The following NETO2 variants were observed in gnomAD, a reference collection of about 807,000 sequenced individuals.
NETO2 encodes the protein neuropilin and tolloid-like protein 2.
Under a neutral mutation model 62.5 loss-of-function variants are expected in NETO2, and 28 were observed. The observed-to-expected ratio is 0.45, with a 90% confidence interval of 0.33 to 0.61. NETO2 has a LOEUF of 0.61. Among genes scored for constraint, NETO2 ranks in the 20% least tolerant of loss-of-function variants. The probability of loss-of-function intolerance (pLI) is 0.02; values close to 1 mark genes in which losing one functional copy is unlikely to be tolerated. For missense variants in NETO2, 548 were observed against 643.2 expected (o/e 0.85, Z 1.60); for synonymous variants, 214 against 219.1 (o/e 0.98, Z 0.21).
chr16:47,122,511 A>T lies in NETO2; in HGVS notation c.654+146T>A, dbSNP rs528967563. ...GCTGGGATCTTAGTAGATGCCAATA[A>T]AGTAAGTGAAATAAAATACATTTTA... On this transcript the variant is annotated intron_variant, in intron 6 of 8. Coordinates refer to ENST00000562435, the MANE Select transcript of NETO2 (RefSeq NM_018092.5). 5.8e-6 allele frequency: 5 copies of T among 858,838 alleles called. No individual in the cohort carries two copies. In the South Asian group the frequency reaches 1.1e-4, roughly 19 times the overall value. The allele number at this position is 858,838 out of a possible 1,614,324, so 53.2% of individuals were successfully genotyped here.
intron 1 of NETO2, among the ~76,000 whole-genome samples, chr16:47,138,053 A>G (rs1401926575): frequency 6.6e-6 from 1 of 152,200 alleles, no homozygotes; most frequent in Non-Finnish European, 1.5e-5. Flanking sequence ...CCATGTCTGC[A>G]TTCTAGTTAT....
rs544969035 is a variant in NETO2 at position 47,140,987 on chromosome 16, C to A, written c.34+2592G>T. 3.3e-5 allele frequency among the ~76,000 whole-genome samples: 5 copies of A among 152,198 alleles called. No individual in the cohort carries two copies. In the East Asian group the frequency reaches 9.6e-4, roughly 29 times the overall value. On this transcript the variant is annotated intron_variant, in intron 1 of 8. Coordinates refer to ENST00000562435, the MANE Select transcript of NETO2 (RefSeq NM_018092.5). ...TCATGAGACTATAATGCTTAGTTAA[C>A]CTTGACAGAAGATTAACTCGAATTC...
chr16:47,138,737 T>G, intron 1 of NETO2, among the ~76,000 whole-genome samples: 1 of 152,212 alleles, frequency 6.6e-6, no homozygotes, highest in Non-Finnish European at 1.5e-5. Context: ...CATCACAGCC[T>G]TGCTTAAAAT....
Position 47,086,356 on chromosome 16 carries a change from C to CA in NETO2, c.884-18dup. The CA allele has an allele frequency of 6.4e-7, 1 of 1,566,234 alleles. No individual in the cohort carries two copies. Among genetic ancestry groups the CA allele is most frequent in the Non-Finnish European group, 8.8e-7 (1 of 1,136,868 alleles). Reference sequence around the variant, plus strand: ...TGCAGGGAGCTGCAGGAAGAGAAAACAGTGTTGCAAAGAGCAGGCAGACCA... The same window carrying CA: ...TGCAGGGAGCTGCAGGAAGAGAAAACAAGTGTTGCAAAGAGCAGGCAGACCA... On this transcript the variant is annotated splice_polypyrimidine_tract_variant and intron_variant, in intron 7 of 8. Coordinates refer to ENST00000562435, the MANE Select transcript of NETO2 (RefSeq NM_018092.5).
chr16:47,084,547 T>A (rs2143795660), intron 8 of NETO2, among the ~76,000 whole-genome samples: 1 of 152,356 alleles, frequency 6.6e-6, no homozygotes. Flanking sequence ...CTATTATGGA[T>A]AACAATAATG....
chr16:47,130,720 C>A (rs1964248476), intron 2 of NETO2, among the ~76,000 whole-genome samples: 1 of 152,074 alleles, frequency 6.6e-6, no homozygotes, highest in African/African-American at 2.4e-5. Context: ...TGACCCTGGG[C>A]CAAACATGAC....
At chr16:47,138,155 A>G (rs886195729) in intron 1 of NETO2, among the ~76,000 whole-genome samples, 11 of 152,178 alleles carry the variant, frequency 7.2e-5, no homozygotes, top group African/African-American at 2.7e-4. Context: ...TAATCCCAGC[A>G]CTTTGCGAGG....
At chr16:47,094,263 A>ATTT (rs35543379) in intron 7 of NETO2, among the ~76,000 whole-genome samples, 2,591 of 137,724 alleles carry the variant, frequency 0.019, 97 homozygotes, top group African/African-American at 0.065. Flanking sequence ...TATCACTTGG[A>ATTT]TTTTTTTTTT....
chr16:47,088,093 A>T (rs1963235816), intron 7 of NETO2, among the ~76,000 whole-genome samples: 1 of 151,874 alleles, frequency 6.6e-6, no homozygotes, highest in African/African-American at 2.4e-5. Context: ...AAGCCCAAAA[A>T]CCTTAGCAAT....
chr16:47,126,980 T>G (rs933450829), intron 4 of NETO2, among the ~76,000 whole-genome samples: 1 of 152,216 alleles, frequency 6.6e-6, no homozygotes, highest in African/African-American at 2.4e-5. Context: ...AAGTTATATG[T>G]GTACCATAAT....
At chr16:47,117,145 G>C (rs893966418) in intron 6 of NETO2, among the ~76,000 whole-genome samples, 1 of 152,044 alleles carries the variant, frequency 6.6e-6, no homozygotes, top group African/African-American at 2.4e-5. Flanking sequence ...AAGAAGTCTT[G>C]CATCACAGTT....
chr16:47,109,543 A>C lies in NETO2; in HGVS notation c.823T>G (p.Trp275Gly). Residue 275 changes from tryptophan to glycine, a missense_variant, in exon 7 of 9, where the codon TGG becomes GGG. Physicochemically the swap from Trp to Gly is radical, Grantham distance 184 (BLOSUM62 -2). Transcript: ENST00000562435. ...LKTGIGVIRM[W>G]ADEGSRLSRF... Reference sequence around the variant, plus strand: ...CTAAGCCGACTACCTTCATCTGCCCACATTCGAATCACTCCAATTCCTGTT... The same window carrying C: ...CTAAGCCGACTACCTTCATCTGCCCCCATTCGAATCACTCCAATTCCTGTT... 6.2e-7 allele frequency: 1 copy of C among 1,614,146 alleles called. No individual in the cohort carries two copies. Among genetic ancestry groups the C allele is most frequent in the Non-Finnish European group, 8.5e-7 (1 of 1,180,008 alleles).
chr16:47,085,573 G>A (rs1317324396), intron 8 of NETO2, among the ~76,000 whole-genome samples: 2 of 151,730 alleles, frequency 1.3e-5, no homozygotes, highest in Non-Finnish European at 2.9e-5. Flanking sequence ...TAGTAGAAAT[G>A]GGGTTTCACC....
intron 4 of NETO2, among the ~76,000 whole-genome samples, chr16:47,127,735 G>C (rs1281816948): frequency 2.0e-5 from 3 of 152,202 alleles, no homozygotes; most frequent in Admixed American, 6.5e-5. Context: ...GAGGTAATTA[G>C]TTATGGCAGC....
At chr16:47,114,726 A>G (rs371944853) in intron 6 of NETO2, among the ~76,000 whole-genome samples, 1 of 152,004 alleles carries the variant, frequency 6.6e-6, no homozygotes, top group Non-Finnish European at 1.5e-5. Flanking sequence ...CTGGGATTAC[A>G]GATGTGAGCC....
intron 6 of NETO2, among the ~76,000 whole-genome samples, chr16:47,114,542 C>A (rs925122506): frequency 6.7e-6 from 1 of 149,596 alleles, no homozygotes; most frequent in Non-Finnish European, 1.5e-5. Context: ...GCTCCGCCTC[C>A]CGGGTTCATG....
chr16:47,142,931 C>T (rs1340442330), intron 1 of NETO2, among the ~76,000 whole-genome samples: 5 of 152,024 alleles, frequency 3.3e-5, no homozygotes, highest in African/African-American at 1.2e-4. Context: ...AGGAGCGCCG[C>T]GTCCCGGGAA....
chr16:47,130,214 T>C (rs747507605), intron 2 of NETO2, among the ~76,000 whole-genome samples: 41 of 152,212 alleles, frequency 2.7e-4, no homozygotes, highest in Non-Finnish European at 5.4e-4. Flanking sequence ...TGGTCAGATA[T>C]TGAGCCTTTA....
rs192372883 is a variant in NETO2, at chr16:47,086,870, A to G, written c.884-531T>C. 2.4e-4 allele frequency among the ~76,000 whole-genome samples: 37 copies of G among 152,366 alleles called. No homozygotes were observed. The East Asian group carries it at 6.7e-3, about 28-fold the overall frequency. On this transcript the variant is annotated intron_variant, in intron 7 of 8. Transcript: ENST00000562435. ...CAGCAGCATTATGCACAACAGCCAG[A>G]AAGTGGGAACAAACAAAATGCCCAT...
Sources: gnomAD v4.1 joint callset for allele counts (sites outside exome capture counted in the v4.1 genomes callset) on GRCh38, gnomAD v4.1.1 for gene constraint, MANE v1.5 for transcripts, NCBI Gene and HGNC (gene_info 2026-07-23, HGNC 2026-07-21) for gene names.